Variants in TRPM1 observed in about 807,000 individuals in gnomAD.
TRPM1 encodes the protein transient receptor potential cation channel subfamily M member 1.
In TRPM1, 113 loss-of-function variants were observed where a neutral mutation model predicts 149.4. The ratio of observed to expected loss-of-function variants is 0.76; its 90% CI spans 0.65 to 0.88. TRPM1 has a LOEUF of 0.88. Ranked by LOEUF, TRPM1 falls within the 40% of genes least tolerant of loss-of-function variation. The pLI is 0.00. For synonymous variants in TRPM1, 741 were observed against 759.5 expected, an observed-to-expected ratio of 0.98 and a Z score of 0.40; for missense variants, 1,976 against 2,038.7, an observed-to-expected ratio of 0.97 and a Z score of 0.59.
At chr15:31,129,200 C>T (rs1251576379) in intron 1 of TRPM1, among the ~76,000 whole-genome samples, 1 of 152,196 alleles carries the variant, frequency 6.6e-6, no homozygotes, top group African/African-American at 2.4e-5. Context: ...TGGGCAGGTC[C>T]CTTGTCCTGG....
chr15:31,067,939 C>T lies in TRPM1; in HGVS notation c.433G>A (p.Gly145Ser). The T allele has an allele frequency of 6.2e-7, 1 of 1,614,112 alleles. No homozygotes were observed. Among genetic ancestry groups the T allele is most frequent in the Non-Finnish European group, 8.5e-7 (1 of 1,180,030 alleles). ...QPKLKQVFGKGLIKAAMTTGA... is the reference protein window; with the variant it reads ...QPKLKQVFGKSLIKAAMTTGA... ...GTGGTCATAGCAGCCTTGATCAGGCCTTTCCCAAAGACTTGTTTCAGCTTG... is the reference window on the plus strand; with the variant it reads ...GTGGTCATAGCAGCCTTGATCAGGCTTTTCCCAAAGACTTGTTTCAGCTTG... Residue 145 changes from glycine (G) to serine (S), a missense_variant, in exon 5 of 28, where the codon GGC becomes AGC. Coordinates refer to ENST00000256552, the MANE Select transcript of TRPM1 (RefSeq NM_001252024.2).
intron 1 of TRPM1, among the ~76,000 whole-genome samples, chr15:31,140,965 GT>G (rs1281731737): frequency 1.3e-5 from 2 of 151,958 alleles, no homozygotes; most frequent in African/African-American, 4.8e-5. Context: ...TGGATAACAG[GT>G]GCGTACCACT....
At chr15:31,112,598 T>C (rs1211812442) in intron 1 of TRPM1, among the ~76,000 whole-genome samples, 1 of 152,192 alleles carries the variant, frequency 6.6e-6, no homozygotes, top group Admixed American at 6.5e-5. Context: ...TTAAACTTTT[T>C]TTTTAATTGG....
upstream of TRPM1, among the ~76,000 whole-genome samples, chr15:31,104,860 C>T (rs1474224858): frequency 6.6e-6 from 1 of 152,078 alleles, no homozygotes; most frequent in Non-Finnish European, 1.5e-5. Context: ...TCCCAAAGTG[C>T]TGGGATTACA....
At chr15:31,042,337 AGGTAATAAAG>A in intron 16 of TRPM1, 94 bp from the exon 17 acceptor site, 2 of 1,338,954 alleles carry the variant, frequency 1.5e-6, no homozygotes, top group Non-Finnish European at 2.1e-6. Context: ...TTTCTGTCAG[AGGTAATAAAG>A]AGACTTCTGA....
intron 11 of TRPM1, among the ~76,000 whole-genome samples, chr15:31,055,044 A>G (rs1331414641): frequency 6.6e-6 from 1 of 152,214 alleles, no homozygotes; most frequent in East Asian, 1.9e-4. Context: ...AATATATAGC[A>G]AATCAGACCT....
chr15:31,035,733 G>C (rs2033338759), intron 20 of TRPM1, 59 bp from the exon 21 acceptor site: 1 of 1,612,368 alleles, frequency 6.2e-7, no homozygotes, highest in South Asian at 1.1e-5. Flanking sequence ...ATCAAATTTT[G>C]AAACGCTGTT....
Position 31,067,146 on chromosome 15 carries a change from AG to A in TRPM1, c.534del (p.Ser179ProfsTer10), listed in dbSNP as rs752932869. The part of the protein sequence containing the change: ...SHVGDALKDH[S>X]SKSRGRVCAI... ...GCACAAACCCGGCCTCTGGACTTGG[AG>A]GAGTGGTCTTTCAAGGCATCCCCTA... On this transcript the variant is annotated frameshift_variant, in exon 6 of 28. Coordinates refer to ENST00000256552, the MANE Select transcript of TRPM1 (RefSeq NM_001252024.2). LOFTEE classifies it high-confidence loss of function. The A allele has an allele frequency of 6.2e-7, 1 of 1,614,082 alleles. No homozygotes were observed. The highest frequency in any genetic ancestry group is 1.1e-5 in the South Asian group (1 of 91,032).
chr15:31,041,587 A>C (rs930938982), intron 17 of TRPM1, among the ~76,000 whole-genome samples: 3 of 152,172 alleles, frequency 2.0e-5, no homozygotes, highest in Admixed American at 2.0e-4. Context: ...AACACCTGTG[A>C]AGGTCACAGT....
intron 27 of TRPM1, among the ~76,000 whole-genome samples, chr15:31,017,939 G>A (rs1210991097): frequency 1.6e-4 from 25 of 152,132 alleles, no homozygotes; most frequent in Non-Finnish European, 2.9e-5. Context: ...ATGTCCTTGT[G>A]GTAAGAGTCC....
intron 2 of TRPM1, among the ~76,000 whole-genome samples, chr15:31,079,464 C>A (rs796105682): frequency 3.0e-4 from 46 of 152,334 alleles, no homozygotes; most frequent in African/African-American, 9.1e-4. Context: ...GCCAGGGAAA[C>A]CGCTCTCCAG....
In TRPM1 at chr15:31,123,773, C is replaced by G. The variant is rs186337293; in HGVS notation, c.54+37133G>C. On this transcript the variant is annotated intron_variant, in intron 1 of 26. Transcript: ENST00000542188. ...TTGGAGTGCCACTTTGTAAGACAGT[C>G]TGGCAGTTTCTTATAAAACTAAACA... 1.1e-4 allele frequency among the ~76,000 whole-genome samples: 17 copies of G among 152,294 alleles called. No homozygotes were observed. In the East Asian group the frequency reaches 3.1e-3, roughly 28 times the overall value.
intron 1 of TRPM1, among the ~76,000 whole-genome samples, chr15:31,097,859 C>T (rs931472517): frequency 2.0e-5 from 3 of 152,070 alleles, no homozygotes; most frequent in East Asian, 1.9e-4. Flanking sequence ...TGAGATGGCA[C>T]GCTAATGTTC....
chr15:31,022,215 G>C (rs544770811), intron 27 of TRPM1, among the ~76,000 whole-genome samples: 1 of 152,344 alleles, frequency 6.6e-6, no homozygotes, highest in Non-Finnish European at 1.5e-5. Context: ...GTGCTCCGTA[G>C]TGGATGTGCA....
chr15:31,061,410 GGGACAGGA>G, intron 10 of TRPM1, 24 bp downstream of exon 10: 1 of 1,606,860 alleles, frequency 6.2e-7, no homozygotes, highest in Non-Finnish European at 8.5e-7. Context: ...CAACATCAGA[GGGACAGGA>G]GTCACCATTT....
At chr15:31,145,638 T>C (rs2036215645) in intron 1 of TRPM1, among the ~76,000 whole-genome samples, 1 of 152,188 alleles carries the variant, frequency 6.6e-6, no homozygotes, top group Non-Finnish European at 1.5e-5. Context: ...ATGTTAGAAT[T>C]GCTATGTAAC....
In TRPM1 at chr15:31,067,079, T is replaced by A. The variant is rs761283836; in HGVS notation, c.602A>T (p.Asp201Val). The A allele has an allele frequency of 2.2e-5, 36 of 1,614,006 alleles. No homozygotes were observed. The East Asian group carries it at 7.1e-4, about 32-fold the overall frequency. ...AACACTTACATCCTTTCCAACCAGG[T>A]CTTCCTTATTCTCCACGATGCCCCA... The part of the protein sequence containing the change: ...APWGIVENKE[D>V]LVGKDVTRVY... The change falls in exon 6 of 28, where the codon GAC becomes GTC. Residue 201 changes from aspartate (D) to valine (V), a missense_variant. Physicochemically the swap from Asp to Val is radical, Grantham distance 152 (BLOSUM62 -3). Coordinates refer to ENST00000256552, the MANE Select transcript of TRPM1 (RefSeq NM_001252024.2).
chr15:31,106,731 C>G (rs1004182491), intron 1 of TRPM1, among the ~76,000 whole-genome samples: 1 of 152,180 alleles, frequency 6.6e-6, no homozygotes, highest in African/African-American at 2.4e-5. Flanking sequence ...ACAAATAGCA[C>G]AGCAACAAAA....
chr15:31,099,624 A>C (rs2035469442), intron 1 of TRPM1, among the ~76,000 whole-genome samples: 1 of 152,224 alleles, frequency 6.6e-6, no homozygotes, highest in African/African-American at 2.4e-5. Flanking sequence ...AGAGCAAATA[A>C]ATGAGGTTGC....
Sources: gnomAD v4.1 joint callset for allele counts (sites outside exome capture counted in the v4.1 genomes callset) on GRCh38, gnomAD v4.1.1 for gene constraint, MANE v1.5 for transcripts, NCBI Gene and HGNC (gene_info 2026-07-23, HGNC 2026-07-21) for gene names.